Variants in ADGRD1 observed in about 807,000 individuals in gnomAD.
ADGRD1 encodes the protein adhesion G protein-coupled receptor D1.
ADGRD1 carries 77 observed loss-of-function variants against 113.4 expected under a neutral mutation model. The ratio of observed to expected loss-of-function variants is 0.68; its 90% CI spans 0.57 to 0.82. The LOEUF (loss-of-function observed/expected upper bound fraction) is 0.82. ADGRD1 is among the 40% of genes least tolerant of loss of function. The pLI, the probability that ADGRD1 is intolerant of heterozygous loss-of-function variation, is 0.00. For missense variants in ADGRD1, 1,036 were observed against 1,139.1 expected, an observed-to-expected ratio of 0.91 and a Z score of 1.30; for synonymous variants, 474 against 475.0, an observed-to-expected ratio of 1.00 and a Z score of 0.03.
chr12:131,050,018 C>G lies in ADGRD1; in HGVS notation c.1474-26783C>G, dbSNP rs1248013234. Among the ~76,000 whole-genome samples, 1 of 152,178 alleles carries G rather than the reference C, an allele frequency of 6.6e-6. No individual in the cohort carries two copies. The highest frequency in any genetic ancestry group is 2.4e-5 in the African/African-American group (1 of 41,438). On this transcript the variant is annotated intron_variant, in intron 13 of 24. Transcript: ENST00000261654. This position sits in a 1 kb window ranked among gnomAD's most constrained non-coding sequence, Gnocchi z 4.8. ...GGAAGAGTCCTCTGCCTGGGCTTGGCCCTCTACCTGGGAAACTGGGCACGA... is the reference window on the plus strand; with the variant it reads ...GGAAGAGTCCTCTGCCTGGGCTTGGGCCTCTACCTGGGAAACTGGGCACGA...
intron 18 of ADGRD1, among the ~76,000 whole-genome samples, chr12:131,115,385 G>A (rs1013244546): frequency 6.6e-6 from 1 of 152,156 alleles, no homozygotes; most frequent in Non-Finnish European, 1.5e-5. Flanking sequence ...AGCCCCGAGG[G>A]GCAGGGGTGT....
intron 15 of ADGRD1, among the ~76,000 whole-genome samples, chr12:131,091,644 A>G (rs896449829): frequency 9.2e-5 from 14 of 152,208 alleles, no homozygotes; most frequent in African/African-American, 3.1e-4. Flanking sequence ...CAACATTTGT[A>G]TCTTGGTATG....
chr12:131,006,139 A>G, intron 12 of ADGRD1, 92 bp downstream of exon 12: 1 of 1,082,650 alleles, frequency 9.2e-7, no homozygotes, highest in South Asian at 1.3e-5. Context: ...CACGCACAAC[A>G]CTGAGAACTC....
At chr12:131,136,244 C>T (rs969828798) in intron 22 of ADGRD1, 81 bp downstream of exon 22, 1 of 1,544,654 alleles carries the variant, frequency 6.5e-7, no homozygotes. Context: ...GCTGCAGGGG[C>T]AGGAGGGAGG....
chr12:131,077,371 C>G (rs1293352721), intron 14 of ADGRD1, among the ~76,000 whole-genome samples: 1 of 152,300 alleles, frequency 6.6e-6, no homozygotes, highest in African/African-American at 2.4e-5. Flanking sequence ...CCACTTGGGC[C>G]CTGACTGGGA....
At chr12:131,067,080 T>TG (rs1884781018) in intron 13 of ADGRD1, among the ~76,000 whole-genome samples, 2 of 151,130 alleles carry the variant, frequency 1.3e-5, no homozygotes, top group African/African-American at 4.9e-5. Flanking sequence ...AGGTCTGCTA[T>TG]GGGGGGCTTG....
At chr12:131,005,310 G>A (rs1381433886) in intron 11 of ADGRD1, among the ~76,000 whole-genome samples, 6 of 152,196 alleles carry the variant, frequency 3.9e-5, no homozygotes, top group African/African-American at 9.6e-5. Flanking sequence ...GGATGGTGCC[G>A]ACATCTACCA....
chr12:130,968,980 C>T, intron 3 of ADGRD1: 1 of 1,529,698 alleles, frequency 6.5e-7, no homozygotes, highest in Middle Eastern at 1.7e-4. Flanking sequence ...CACCCAGCGT[C>T]CCGAACCCAC....
chr12:131,040,815 G>A (rs1882056509), intron 13 of ADGRD1, among the ~76,000 whole-genome samples: 1 of 152,226 alleles, frequency 6.6e-6, no homozygotes. Flanking sequence ...GGAGCCTGCC[G>A]GGCAGTGGTC....
At chr12:130,973,641 A>C (rs888293457) in intron 4 of ADGRD1, among the ~76,000 whole-genome samples, 1 of 152,182 alleles carries the variant, frequency 6.6e-6, no homozygotes, top group Non-Finnish European at 1.5e-5. Context: ...GTATTCACTC[A>C]TTTCATGCCC....
chr12:131,066,056 A>G (rs898972445), intron 13 of ADGRD1, among the ~76,000 whole-genome samples: 29 of 152,248 alleles, frequency 1.9e-4, no homozygotes, highest in African/African-American at 6.3e-4. Flanking sequence ...TTAGAGCCCC[A>G]GGGCCGGGCC....
intron 13 of ADGRD1, among the ~76,000 whole-genome samples, chr12:131,074,206 G>A (rs555657824): frequency 1.3e-5 from 2 of 152,258 alleles, no homozygotes; most frequent in East Asian, 3.9e-4. Flanking sequence ...CATGATGGTT[G>A]TTGGAGCACA....
chr12:131,046,441 T>TCC (rs1882791921), intron 13 of ADGRD1, among the ~76,000 whole-genome samples: 36 of 95,194 alleles, frequency 3.8e-4, no homozygotes, highest in Non-Finnish European at 6.4e-4. Flanking sequence ...GTCAGTGTCC[T>TCC]CTCTCCCTGG....
chr12:131,005,676 C>T (rs1367043018), intron 11 of ADGRD1, among the ~76,000 whole-genome samples: 2 of 151,844 alleles, frequency 1.3e-5, no homozygotes, highest in African/African-American at 2.4e-5. Context: ...GCTCTCCCTG[C>T]AGGGGCTCTG....
chr12:130,985,437 C>A (rs756779841), intron 5 of ADGRD1, among the ~76,000 whole-genome samples: 2 of 152,104 alleles, frequency 1.3e-5, no homozygotes, highest in Non-Finnish European at 2.9e-5. Flanking sequence ...CATCACTAAA[C>A]CCAAGGTCAT....
At chr12:131,077,156 C>T (rs1017651594) in intron 14 of ADGRD1, among the ~76,000 whole-genome samples, 1 of 152,152 alleles carries the variant, frequency 6.6e-6, no homozygotes, top group Non-Finnish European at 1.5e-5. Flanking sequence ...AGCAGATGCT[C>T]GGGGGAGCTG....
At chr12:131,064,160 G>A (rs770045839) in intron 13 of ADGRD1, among the ~76,000 whole-genome samples, 1 of 152,192 alleles carries the variant, frequency 6.6e-6, no homozygotes, top group Non-Finnish European at 1.5e-5. Flanking sequence ...TTTGATCTGT[G>A]TGCTTTTTCT....
At chr12:131,127,086 C>T (rs1423094486) in intron 20 of ADGRD1, among the ~76,000 whole-genome samples, 1 of 151,852 alleles carries the variant, frequency 6.6e-6, no homozygotes, top group African/African-American at 2.4e-5. Context: ...AAAAATGTGC[C>T]TGGAAAATGA....
intron 13 of ADGRD1, among the ~76,000 whole-genome samples, chr12:131,054,176 T>C (rs1001603824): frequency 6.6e-6 from 1 of 152,212 alleles, no homozygotes; most frequent in Non-Finnish European, 1.5e-5. Flanking sequence ...GTGTAAAGTG[T>C]TCAAAGCATT....
Sources: gnomAD v4.1 joint callset for allele counts (sites outside exome capture counted in the v4.1 genomes callset) on GRCh38, gnomAD v4.1.1 for gene constraint, Gnocchi (gnomAD v3.1) non-coding constraint, MANE v1.5 for transcripts, NCBI Gene and HGNC (gene_info 2026-07-23, HGNC 2026-07-21) for gene names.